The following RASSF5 variants were observed in gnomAD, a reference collection of about 807,000 sequenced individuals.
RASSF5 encodes the protein Ras association domain family member 5.
A neutral mutation model predicts 40.5 loss-of-function variants in RASSF5; 25 were observed. The observed-to-expected ratio is 0.62, with a 90% confidence interval of 0.45 to 0.86. The LOEUF is 0.86. Among genes scored for constraint, RASSF5 ranks in the 40% least tolerant of loss-of-function variants. The probability of loss-of-function intolerance (pLI) is 0.00; values close to 1 mark genes in which losing one functional copy is unlikely to be tolerated. For synonymous variants in RASSF5, 246 were observed against 252.4 expected (o/e 0.97, Z 0.24); for missense variants, 521 against 572.8 (o/e 0.91, Z 0.92).
chr1:206,555,201 G>T (rs1553401578), intron 2 of RASSF5, among the ~76,000 whole-genome samples: 1 of 152,168 alleles, frequency 6.6e-6, no homozygotes. Flanking sequence ...TCCTAACCAG[G>T]TCTGGCATCT....
chr1:206,542,362 A>G (rs568214291), intron 2 of RASSF5: 1 of 152,262 alleles, frequency 6.6e-6, no homozygotes, highest in Non-Finnish European at 1.5e-5. Context: ...CAACCCTAGC[A>G]TCTCTTTTTT....
chr1:206,524,657 GTATAATATATATTATA>G (rs1667047341), intron 1 of RASSF5, among the ~76,000 whole-genome samples: 1 of 119,078 alleles, frequency 8.4e-6, no homozygotes, highest in Non-Finnish European at 1.7e-5. Context: ...TATATATTAT[GTATAATATATATTATA>G]TATAATATAT....
In RASSF5 at chr1:206,507,997, G is replaced by A. The variant is rs1225867096; in HGVS notation, c.395G>A (p.Gly132Asp). 6.6e-7 allele frequency: 1 copy of A among 1,522,052 alleles called. No individual in the cohort carries two copies. Among genetic ancestry groups the A allele is most frequent in the Admixed American group, 2.0e-5 (1 of 50,654 alleles). The allele number at this position is 1,522,052 out of a possible 1,614,324, so 94.3% of individuals were successfully genotyped here. A position where few individuals can be genotyped will look rare whatever the true frequency, so the allele number is the denominator to read the frequency against. Residue 132 changes from glycine (G) to aspartate (D), a missense_variant, in exon 1 of 6, where the codon GGC becomes GAC. Around this residue, in one of 2 missense-constraint regions of RASSF5, gnomAD observed 237 missense variants for 212.0 expected, o/e 1.12. Coordinates refer to ENST00000579436, the MANE Select transcript of RASSF5 (RefSeq NM_182663.4). ...TGCTTCGCCGAGTTGGTGCTGCCGG[G>A]CGGCCCCGGCTGGTGTGACCTGTGC... is the stretch of plus-strand genomic sequence containing the variant. ...GHCFAELVLP[G>D]GPGWCDLCGR...
Position 206,507,844 on chromosome 1 carries a change from G to A in RASSF5, c.242G>A (p.Arg81His). ...CCGCCCCGGGCCTCCCGACCCGCTCGCCCGCTCCGGCCTGGTCTGCAGCAG... is the reference window on the plus strand; with the variant it reads ...CCGCCCCGGGCCTCCCGACCCGCTCACCCGCTCCGGCCTGGTCTGCAGCAG... ...EPPPRASRPA[R>H]PLRPGLQQRL... The change falls in exon 1 of 6, where the codon CGC becomes CAC. Residue 81 changes from arginine to histidine, a missense_variant. Physicochemically the swap from Arg to His is conservative, Grantham distance 29. Coordinates refer to ENST00000579436, the MANE Select transcript of RASSF5 (RefSeq NM_182663.4). The A allele has an allele frequency of 1.4e-6, 2 of 1,448,696 alleles. No homozygotes were observed. The highest frequency in any genetic ancestry group is 9.0e-7 in the Non-Finnish European group (1 of 1,107,042). The allele number at this position is 1,448,696 out of a possible 1,614,324, so 89.7% of individuals were successfully genotyped here.
At chr1:206,583,936 GGTTTAAGTCTTAAAGGCT>G (rs1668995251) in intron 3 of RASSF5, among the ~76,000 whole-genome samples, 4 of 152,178 alleles carry the variant, frequency 2.6e-5, no homozygotes, top group Admixed American at 2.6e-4. Flanking sequence ...AATGCACCTA[GGTTTAAGTCTTAAAGGCT>G]GTTTCTTAGT....
chr1:206,535,684 GGT>G lies in RASSF5; in HGVS notation c.458-2471_458-2470del, dbSNP rs140102421. The stretch of plus-strand genomic sequence containing the variant: ...CAGCTCAGCATGGTGATGTTTTCAG[GGT>G]GTGTGTGTGTGTGTGTCTGTGTGTG... On this transcript the variant is annotated intron_variant, in intron 1 of 5. Transcript: ENST00000579436. The surrounding 1 kb of genome is among the most constrained non-coding windows in gnomAD (Gnocchi z 5.0). Among the ~76,000 whole-genome samples, 20 of 148,030 alleles carry G rather than the reference GGT, an allele frequency of 1.4e-4. No homozygotes were observed. The highest frequency in any genetic ancestry group is 1.1e-3 in the South Asian group (5 of 4,564).
At chr1:206,581,769 A>T (rs1175018824) in intron 2 of RASSF5, among the ~76,000 whole-genome samples, 3 of 152,132 alleles carry the variant, frequency 2.0e-5, no homozygotes, top group Non-Finnish European at 4.4e-5. Context: ...CTGACATTGC[A>T]TCGGTTCTGT....
chr1:206,507,695 C>A lies in RASSF5; in HGVS notation c.93C>A (p.Pro31=). The change falls in exon 1 of 6, where the codon CCC becomes CCA. Residue 31 remains proline (P), a synonymous_variant. Transcript: ENST00000579436. ...GCTATCTACAGAGCCTGAGCGGCCC[C>A]GAGCTACCGCCGCCGCCCCCCGACC... ...PPRYLQSLSG[P]ELPPPPPDRS... is the part of the protein sequence containing the mutation. 1.3e-6 allele frequency: 2 copies of A among 1,495,840 alleles called. No individual in the cohort carries two copies. The highest frequency in any genetic ancestry group is 8.9e-7 in the Non-Finnish European group (1 of 1,129,262). 92.7% of individuals were successfully genotyped at this position (1,495,840 alleles called of 1,614,324 possible). A position where few individuals can be genotyped will look rare whatever the true frequency, so the allele number is the denominator to read the frequency against.
chr1:206,569,041 G>T (rs1036230636), intron 2 of RASSF5, among the ~76,000 whole-genome samples: 1 of 152,260 alleles, frequency 6.6e-6, no homozygotes, highest in Admixed American at 6.5e-5. Flanking sequence ...AGAACATCTG[G>T]AGAAGGCTGG....
At chr1:206,585,320 C>T (rs782024646) in intron 5 of RASSF5, 25 bp downstream of exon 5, 23 of 1,592,816 alleles carry the variant, frequency 1.4e-5, no homozygotes, top group Non-Finnish European at 2.0e-5. Context: ...ATTGTGCAAA[C>T]CCAGGCCTTA....
At chr1:206,520,594 A>G (rs11118945) in intron 1 of RASSF5, among the ~76,000 whole-genome samples, 139,587 of 146,256 alleles carry the variant, frequency 0.95, 66,673 homozygotes, top group East Asian at 1. Context: ...TTGACAAAGC[A>G]AGACTCCATC....
intron 1 of RASSF5, chr1:206,529,298 G>C (rs1667175661): frequency 1.2e-6 from 1 of 821,770 alleles, no homozygotes; most frequent in African/African-American, 1.7e-5. Flanking sequence ...TCCCCACTAA[G>C]AGACCACCTG....
chr1:206,560,276 T>C lies in RASSF5; in HGVS notation c.579+21983T>C, dbSNP rs537646431. On this transcript the variant is annotated intron_variant, in intron 2 of 5. Transcript: ENST00000579436. This position sits in a 1 kb window ranked among gnomAD's most constrained non-coding sequence, Gnocchi z 5.1. ...GCTAGAACAGAGCTTCAGGGAAGCC[T>C]CACTGCTGTGCGATGCCACCACCTG... Among the ~76,000 whole-genome samples the C allele has an allele frequency of 1.3e-5, 2 of 152,338 alleles. No individual in the cohort carries two copies. The highest frequency in any genetic ancestry group is 3.9e-4 in the East Asian group (2 of 5,182).
chr1:206,526,059 T>C (rs1378059036), intron 1 of RASSF5, among the ~76,000 whole-genome samples: 1 of 152,162 alleles, frequency 6.6e-6, no homozygotes, highest in African/African-American at 2.4e-5. Flanking sequence ...CCCACTCTTT[T>C]ACATGGGAAC....
At chr1:206,534,496 G>C (rs1667330737) in intron 1 of RASSF5, among the ~76,000 whole-genome samples, 1 of 152,136 alleles carries the variant, frequency 6.6e-6, no homozygotes, top group Non-Finnish European at 1.5e-5. Context: ...CCTCTTTAGT[G>C]ATGACAGAAT....
intron 2 of RASSF5, among the ~76,000 whole-genome samples, chr1:206,577,630 A>G (rs1280748439): frequency 6.6e-6 from 1 of 152,234 alleles, no homozygotes; most frequent in Non-Finnish European, 1.5e-5. Context: ...CTATGTGTCA[A>G]GCTGGCACTG....
chr1:206,529,106 A>C, intron 1 of RASSF5: 1 of 1,385,142 alleles, frequency 7.2e-7, no homozygotes, highest in Non-Finnish European at 1.0e-6. Flanking sequence ...AAAGGCAGGG[A>C]GCCATCCTCT....
intron 1 of RASSF5, among the ~76,000 whole-genome samples, chr1:206,522,769 G>T (rs879947623): frequency 1.3e-5 from 2 of 151,904 alleles, no homozygotes; most frequent in African/African-American, 4.8e-5. Context: ...GTCAAATAGA[G>T]GTGCATCTCT....
intron 5 of RASSF5, chr1:206,585,671 GT>G: frequency 6.0e-6 from 1 of 167,468 alleles, no homozygotes; most frequent in Non-Finnish European, 1.3e-5. Context: ...GGGTATAGAC[GT>G]TTTTGAGCCA....
Sources: allele counts gnomAD v4.1 joint callset (sites outside exome capture counted in the v4.1 genomes callset), GRCh38; gene constraint gnomAD v4.1.1; regional missense constraint gnomAD v4.1.1; non-coding constraint Gnocchi (gnomAD v3.1); transcripts MANE v1.5; gene names NCBI Gene and HGNC (gene_info 2026-07-23, HGNC 2026-07-21).